The following GALNT14 variants were observed in gnomAD, a reference collection of about 807,000 sequenced individuals.
GALNT14 encodes the protein UDP-GalNAc:polypeptide N-acetylgalactosaminyltransferase 14.
Under a neutral mutation model 77.5 loss-of-function variants are expected in GALNT14, and 60 were observed. That is an observed-to-expected ratio of 0.77 (90% CI 0.63 to 0.96). The LOEUF is 0.96. Among genes scored for constraint, GALNT14 ranks in the 40% least tolerant of loss-of-function variants. The pLI, the probability that GALNT14 is intolerant of heterozygous loss-of-function variation, is 0.00. For synonymous variants in GALNT14, 280 were observed against 281.7 expected, an observed-to-expected ratio of 0.99 and a Z score of 0.06; for missense variants, 710 against 731.0, an observed-to-expected ratio of 0.97 and a Z score of 0.33.
rs80305260 is a variant in GALNT14, at chr2:31,104,463, T to C, written c.129+33495A>G. Among the ~76,000 whole-genome samples, 208 of 152,282 alleles carry C rather than the reference T, an allele frequency of 1.4e-3. 2 individuals carry two copies. In the East Asian group the frequency reaches 0.037, roughly 27 times the overall value. On this transcript the variant is annotated intron_variant, in intron 1 of 14. Transcript: ENST00000349752. ...CTATATAGTCACCATACAGCACTCC[T>C]TGTCAAAAAATCAACAATGATACAG...
intron 1 of GALNT14, chr2:31,125,188 G>C (rs1019224240): frequency 1.3e-6 from 2 of 1,550,414 alleles, no homozygotes; most frequent in Admixed American, 3.9e-5. Context: ...AGGGAGGAGT[G>C]GGTGATACAG....
intron 1 of GALNT14, among the ~76,000 whole-genome samples, chr2:31,016,389 A>G (rs1307177186): frequency 6.6e-6 from 1 of 152,150 alleles, no homozygotes; most frequent in Non-Finnish European, 1.5e-5. Context: ...TAGAGCTCCA[A>G]CGTATGAATG....
intron 11 of GALNT14, among the ~76,000 whole-genome samples, chr2:30,929,107 C>T (rs1026075384): frequency 2.6e-5 from 4 of 152,172 alleles, no homozygotes; most frequent in Admixed American, 2.0e-4. Flanking sequence ...CTGCCTCCTT[C>T]CTGTCTGCAA....
chr2:31,115,484 A>T (rs968001326), intron 1 of GALNT14, among the ~76,000 whole-genome samples: 2 of 152,340 alleles, frequency 1.3e-5, no homozygotes, highest in East Asian at 3.9e-4. Context: ...GAGAAAACAG[A>T]GGTGTGATGA....
At chr2:30,982,376 C>G (rs4952018) in intron 2 of GALNT14, among the ~76,000 whole-genome samples, 102,451 of 152,076 alleles carry the variant, frequency 0.67, 34,714 homozygotes, top group South Asian at 0.8. Flanking sequence ...TTAATCATAG[C>G]AGCTCTCGTC....
At chr2:31,105,534 T>C (rs1299158804) in intron 1 of GALNT14, among the ~76,000 whole-genome samples, 1 of 152,154 alleles carries the variant, frequency 6.6e-6, no homozygotes. Flanking sequence ...GAGACCAGCC[T>C]GGCCAACATG....
chr2:30,961,268 T>C (rs77718924), intron 3 of GALNT14, among the ~76,000 whole-genome samples: 1,775 of 152,358 alleles, frequency 0.012, 40 homozygotes, highest in African/African-American at 0.041. Context: ...TTGAAATTGC[T>C]TTGTGAACTC....
intron 1 of GALNT14, among the ~76,000 whole-genome samples, chr2:31,103,611 A>G (rs1677402135): frequency 6.6e-6 from 1 of 152,174 alleles, no homozygotes; most frequent in South Asian, 2.1e-4. Context: ...TCTACCATTT[A>G]TTAAGTATAA....
chr2:31,124,162 C>T (rs980367807), intron 1 of GALNT14, among the ~76,000 whole-genome samples: 2 of 152,220 alleles, frequency 1.3e-5, no homozygotes, highest in Admixed American at 6.5e-5. Context: ...TCTGTCTCCC[C>T]ATGCTTGACA....
intron 13 of GALNT14, among the ~76,000 whole-genome samples, chr2:30,914,084 G>C (rs1039711250): frequency 6.6e-6 from 1 of 152,208 alleles, no homozygotes; most frequent in Non-Finnish European, 1.5e-5. Flanking sequence ...CTGCTAATAA[G>C]AGCTGACATT....
At chr2:31,097,850 T>C (rs1677078469) in intron 1 of GALNT14, among the ~76,000 whole-genome samples, 1 of 152,112 alleles carries the variant, frequency 6.6e-6, no homozygotes, top group Non-Finnish European at 1.5e-5. Context: ...AACCCAGAAC[T>C]GGCACTCAGA....
At chr2:30,984,126 C>T (rs186375825) in intron 2 of GALNT14, among the ~76,000 whole-genome samples, 146 of 152,320 alleles carry the variant, frequency 9.6e-4, no homozygotes, top group Non-Finnish European at 1.8e-3. Flanking sequence ...TTTCCAGGCC[C>T]TATCAGCTCC....
intron 1 of GALNT14, among the ~76,000 whole-genome samples, chr2:31,012,128 T>C (rs182233742): frequency 1.4e-3 from 210 of 152,352 alleles, no homozygotes; most frequent in African/African-American, 4.8e-3. Flanking sequence ...TGGGGATTTA[T>C]GTCTTTAGAC....
intron 1 of GALNT14, among the ~76,000 whole-genome samples, chr2:31,056,902 T>G (rs1000796418): frequency 2.6e-5 from 4 of 152,068 alleles, no homozygotes; most frequent in African/African-American, 9.7e-5. Context: ...AACAATGGAT[T>G]GAACAAAGAA....
In GALNT14 at chr2:31,098,362, T is replaced by A. The variant is rs115932699; in HGVS notation, c.129+39596A>T. 1.5e-3 allele frequency among the ~76,000 whole-genome samples: 227 copies of A among 152,280 alleles called. 1 individual carries two copies. The highest frequency in any genetic ancestry group is 5.1e-3 in the African/African-American group (211 of 41,570). Reference sequence around the variant, plus strand: ...TGGCATAGAAGCATTTATATACTTTTCTGTATGTGGAGGACAAGAGGATGT... The same window carrying A: ...TGGCATAGAAGCATTTATATACTTTACTGTATGTGGAGGACAAGAGGATGT... On this transcript the variant is annotated intron_variant, in intron 1 of 14. Coordinates refer to ENST00000349752, the MANE Select transcript of GALNT14 (RefSeq NM_024572.4).
rs558474176 is a variant in GALNT14, at chr2:30,951,979, G to T, written c.654+3639C>A. 2.0e-5 allele frequency among the ~76,000 whole-genome samples: 3 copies of T among 152,328 alleles called. No homozygotes were observed. The South Asian group carries it at 6.2e-4, about 32-fold the overall frequency. ...AGGAGGGGACAGAAGTGCCAAGTGT[G>T]CACTGCACCGTGCCCTGGACCTCAG... On this transcript the variant is annotated intron_variant, in intron 6 of 14. Coordinates refer to ENST00000349752, the MANE Select transcript of GALNT14 (RefSeq NM_024572.4).
chr2:30,887,952 C>T, the GALNT14 span, among the ~76,000 whole-genome samples: 630 of 152,294 alleles, frequency 4.1e-3, 4 homozygotes, highest in African/African-American at 0.015. Flanking sequence ...GCTGGGGGTG[C>T]AACCTGGGAC....
At chr2:31,109,631 G>A (rs1305713190) in intron 1 of GALNT14, among the ~76,000 whole-genome samples, 1 of 152,184 alleles carries the variant, frequency 6.6e-6, no homozygotes, top group African/African-American at 2.4e-5. Flanking sequence ...CCACCGTCCT[G>A]CGGCAGTGCG....
chr2:31,064,108 A>T (rs566664909), intron 1 of GALNT14, among the ~76,000 whole-genome samples: 1 of 150,240 alleles, frequency 6.7e-6, no homozygotes, highest in African/African-American at 2.5e-5. Context: ...TAGACATCAC[A>T]TCTAGACTGG....
Sources: gnomAD v4.1 joint callset for allele counts (sites outside exome capture counted in the v4.1 genomes callset) on GRCh38, gnomAD v4.1.1 for gene constraint, MANE v1.5 for transcripts, NCBI Gene and HGNC (gene_info 2026-07-23, HGNC 2026-07-21) for gene names.